Variants in TUSC3 observed in about 807,000 individuals in gnomAD.
TUSC3 encodes tumor suppressor candidate 3.
A neutral mutation model predicts 44.8 loss-of-function variants in TUSC3; 45 were observed. That is an observed-to-expected ratio of 1.00 (90% CI 0.79 to 1.29). TUSC3 has a LOEUF of 1.29. Ranked by LOEUF, TUSC3 falls within the 50% of genes most tolerant of loss-of-function variation. The pLI, the probability that TUSC3 is intolerant of heterozygous loss-of-function variation, is 0.00. For missense variants in TUSC3, 519 were observed against 437.9 expected, an observed-to-expected ratio of 1.19 and a Z score of -1.65; for synonymous variants, 212 against 152.9, an observed-to-expected ratio of 1.39 and a Z score of -2.85.
At chr8:15,559,046 T>G (rs1441820605) in intron 1 of TUSC3, among the ~76,000 whole-genome samples, 2 of 146,538 alleles carry the variant, frequency 1.4e-5, no homozygotes, top group African/African-American at 2.5e-5. Flanking sequence ...TTCTGCTAGC[T>G]TTTGAATGTG....
chr8:15,467,489 C>T (rs1019150902), intron 1 of TUSC3, among the ~76,000 whole-genome samples: 2 of 152,120 alleles, frequency 1.3e-5, no homozygotes, highest in Non-Finnish European at 2.9e-5. Flanking sequence ...CTTCTAATTT[C>T]TAAGCCTTGT....
At chr8:15,716,484 T>C (rs1215655446) in intron 6 of TUSC3, among the ~76,000 whole-genome samples, 2 of 152,118 alleles carry the variant, frequency 1.3e-5, no homozygotes, top group Admixed American at 6.6e-5. Context: ...AATGGAAGTA[T>C]ATTTGATAAA....
At chr8:15,596,701 T>C (rs1205107329) in intron 1 of TUSC3, among the ~76,000 whole-genome samples, 1 of 152,012 alleles carries the variant, frequency 6.6e-6, no homozygotes, top group East Asian at 1.9e-4. Flanking sequence ...TATAAAGAGG[T>C]GTTGAGAGTG....
intron 1 of TUSC3, among the ~76,000 whole-genome samples, chr8:15,451,734 G>C (rs1046572165): frequency 6.6e-6 from 1 of 152,058 alleles, no homozygotes; most frequent in Admixed American, 6.5e-5. Flanking sequence ...GCAATCGATG[G>C]GGGCAATATT....
At chr8:15,543,795 G>A (rs1236820992) in intron 1 of TUSC3, among the ~76,000 whole-genome samples, 1 of 149,904 alleles carries the variant, frequency 6.7e-6, no homozygotes, top group African/African-American at 2.5e-5. Flanking sequence ...TATGGTCTGT[G>A]GAATAGTCTA....
At chr8:15,448,232 C>A (rs1800137311) in intron 1 of TUSC3, among the ~76,000 whole-genome samples, 1 of 151,378 alleles carries the variant, frequency 6.6e-6, no homozygotes, top group South Asian at 2.1e-4. Flanking sequence ...AATTCTCATG[C>A]CTCACCCTCT....
intron 1 of TUSC3, among the ~76,000 whole-genome samples, chr8:15,615,570 A>G (rs1189229633): frequency 6.6e-6 from 1 of 152,150 alleles, no homozygotes; most frequent in East Asian, 1.9e-4. Flanking sequence ...GGGTGAATAT[A>G]GTTTACACTA....
chr8:15,588,415 A>G (rs948596480), intron 1 of TUSC3, among the ~76,000 whole-genome samples: 8 of 151,562 alleles, frequency 5.3e-5, no homozygotes, highest in African/African-American at 1.7e-4. Context: ...TTATTTGTTT[A>G]TTTGCTCTTG....
chr8:15,735,201 G>A (rs1585281837), intron 7 of TUSC3, among the ~76,000 whole-genome samples: 2 of 152,232 alleles, frequency 1.3e-5, no homozygotes, highest in South Asian at 4.1e-4. Flanking sequence ...GCTGGCAGTC[G>A]TTCTGGCTGC....
At chr8:15,819,795 T>A in the TUSC3 span, among the ~76,000 whole-genome samples, 2 of 152,154 alleles carry the variant, frequency 1.3e-5, no homozygotes, top group East Asian at 3.9e-4. Context: ...GAACTCACAA[T>A]GTGGGCATTC....
chr8:15,771,956 G>C, the TUSC3 span, among the ~76,000 whole-genome samples: 1 of 152,092 alleles, frequency 6.6e-6, no homozygotes, highest in Non-Finnish European at 1.5e-5. Context: ...AGGTGTGGTA[G>C]AGGGCGCCTG....
At chr8:15,447,717 T>A (rs1800125307) in intron 1 of TUSC3, among the ~76,000 whole-genome samples, 1 of 151,986 alleles carries the variant, frequency 6.6e-6, no homozygotes, top group South Asian at 2.1e-4. Flanking sequence ...TACTTACTTT[T>A]ATTTTTCTTA....
intron 4 of TUSC3, among the ~76,000 whole-genome samples, chr8:15,660,598 T>G (rs533670876): frequency 6.6e-6 from 1 of 152,064 alleles, no homozygotes; most frequent in South Asian, 2.1e-4. Flanking sequence ...ATTTTTACTA[T>G]AAGATATAAA....
chr8:15,438,210 T>A (rs1413137036), intron 1 of TUSC3, among the ~76,000 whole-genome samples: 1 of 152,132 alleles, frequency 6.6e-6, no homozygotes, highest in East Asian at 1.9e-4. Flanking sequence ...ATCTCCTGCC[T>A]CAGCCTCCCA....
the TUSC3 span, among the ~76,000 whole-genome samples, chr8:15,817,133 A>C: frequency 1.3e-5 from 2 of 152,198 alleles, no homozygotes; most frequent in Non-Finnish European, 2.9e-5. Flanking sequence ...ACTCCTATTA[A>C]TGAAGGCACC....
At chr8:15,449,997 G>A (rs1800172615) in intron 1 of TUSC3, among the ~76,000 whole-genome samples, 1 of 152,110 alleles carries the variant, frequency 6.6e-6, no homozygotes, top group African/African-American at 2.4e-5. Flanking sequence ...TGTGCAGGAG[G>A]CTATCCCTCT....
chr8:15,705,705 A>G (rs906055684), intron 6 of TUSC3, among the ~76,000 whole-genome samples: 2 of 152,020 alleles, frequency 1.3e-5, no homozygotes, highest in African/African-American at 4.8e-5. Flanking sequence ...TTCAATATTT[A>G]GTGGTCTTTG....
intron 1 of TUSC3, among the ~76,000 whole-genome samples, chr8:15,467,117 A>G (rs1445236732): frequency 6.6e-6 from 1 of 152,068 alleles, no homozygotes; most frequent in Non-Finnish European, 1.5e-5. Flanking sequence ...TTCAGAAAGG[A>G]GGCATAAATG....
intron 1 of TUSC3, among the ~76,000 whole-genome samples, chr8:15,481,385 G>A (rs773719567): frequency 1.3e-5 from 2 of 152,034 alleles, no homozygotes; most frequent in African/African-American, 4.8e-5. Flanking sequence ...TAAAGGACAA[G>A]TTCAGACCCC....
Sources: gnomAD v4.1 joint callset for allele counts (sites outside exome capture counted in the v4.1 genomes callset) on GRCh38, gnomAD v4.1.1 for gene constraint, MANE v1.5 for transcripts, NCBI Gene and HGNC (gene_info 2026-07-23, HGNC 2026-07-21) for gene names.